SHISA9: variants seen among roughly 807,000 people sequenced by gnomAD.
SHISA9 encodes shisa family member 9.
Under a neutral mutation model 38.0 loss-of-function variants are expected in SHISA9, and 13 were observed. The observed-to-expected ratio is 0.34, with a 90% CI of 0.22 to 0.54. The LOEUF is 0.54. Ranked by LOEUF, SHISA9 falls within the 20% of genes least tolerant of loss-of-function variation. The pLI, the probability that SHISA9 is intolerant of heterozygous loss-of-function variation, is 0.91. For missense variants in SHISA9, 538 were observed against 575.8 expected, an observed-to-expected ratio of 0.93 and a Z score of 0.67; for synonymous variants, 275 against 242.0, an observed-to-expected ratio of 1.14 and a Z score of -1.27.
At chr16:13,526,137 A>G in the SHISA9 span, among the ~76,000 whole-genome samples, 1 of 152,342 alleles carries the variant, frequency 6.6e-6, no homozygotes, top group African/African-American at 2.4e-5. Context: ...AGCAAACTGG[A>G]GCCAGTAGGA....
chr16:13,355,986 C>G, the SHISA9 span, among the ~76,000 whole-genome samples: 1 of 152,182 alleles, frequency 6.6e-6, no homozygotes, highest in African/African-American at 2.4e-5. Flanking sequence ...GAATCCCAGG[C>G]TGCGGGCATT....
chr16:13,419,690 C>T, the SHISA9 span, among the ~76,000 whole-genome samples: 2 of 152,182 alleles, frequency 1.3e-5, no homozygotes, highest in Non-Finnish European at 2.9e-5. Context: ...TACTTTTTGA[C>T]ATTGTGGGTC....
chr16:13,387,830 C>G, the SHISA9 span, among the ~76,000 whole-genome samples: 1 of 152,038 alleles, frequency 6.6e-6, no homozygotes, highest in Non-Finnish European at 1.5e-5. Flanking sequence ...GAAAATGACT[C>G]GCTAACTATG....
At chr16:13,175,405 A>C (rs774740981) in intron 2 of SHISA9, among the ~76,000 whole-genome samples, 15 of 152,096 alleles carry the variant, frequency 9.9e-5, no homozygotes, top group Admixed American at 2.0e-4. Context: ...AAAAATAAAA[A>C]GATTTGATTT....
chr16:13,359,182 C>T, the SHISA9 span, among the ~76,000 whole-genome samples: 1 of 152,036 alleles, frequency 6.6e-6, no homozygotes, highest in Non-Finnish European at 1.5e-5. Flanking sequence ...ATAATTAGTA[C>T]TGAGGAGAAT....
intron 2 of SHISA9, among the ~76,000 whole-genome samples, chr16:12,983,543 C>A (rs1043553436): frequency 6.6e-6 from 1 of 152,172 alleles, no homozygotes; most frequent in African/African-American, 2.4e-5. Flanking sequence ...GGCTGGAGTG[C>A]AGTGGCACAA....
the SHISA9 span, among the ~76,000 whole-genome samples, chr16:13,496,920 A>G: frequency 8.5e-5 from 13 of 152,316 alleles, no homozygotes; most frequent in African/African-American, 2.6e-4. Context: ...AAAATTTAGT[A>G]TTATTAAAAT....
Position 13,021,857 on chromosome 16 carries a change from G to C in SHISA9, c.691+105042G>C, listed in dbSNP as rs183966399. The stretch of plus-strand genomic sequence containing the variant: ...CTCCATGGGCTGAGGGGGCAGCCTG[G>C]GAAGAGAAAGCATAGTAGTGTCCTA... On this transcript the variant is annotated intron_variant, in intron 2 of 4. Coordinates refer to ENST00000558583, the MANE Select transcript of SHISA9 (RefSeq NM_001145204.3). 2.4e-3 allele frequency among the ~76,000 whole-genome samples: 358 copies of C among 152,286 alleles called. 1 individual carries two copies. Among genetic ancestry groups the C allele is most frequent in the African/African-American group, 8.0e-3 (332 of 41,564 alleles).
At chr16:13,094,477 C>T (rs1355837893) in intron 2 of SHISA9, among the ~76,000 whole-genome samples, 1 of 152,082 alleles carries the variant, frequency 6.6e-6, no homozygotes, top group Non-Finnish European at 1.5e-5. Context: ...AAAAATCCCC[C>T]AAACTAATTC....
At chr16:13,478,685 A>G in the SHISA9 span, among the ~76,000 whole-genome samples, 1 of 152,228 alleles carries the variant, frequency 6.6e-6, no homozygotes, top group East Asian at 1.9e-4. Flanking sequence ...CTTTTGAAAA[A>G]CAACAGATCT....
chr16:13,026,419 C>A (rs867861138), intron 2 of SHISA9, among the ~76,000 whole-genome samples: 2 of 152,170 alleles, frequency 1.3e-5, no homozygotes, highest in Non-Finnish European at 2.9e-5. Context: ...TTTTTCAAGG[C>A]TGAATACTAT....
At chr16:13,210,710 C>G (rs76310769) in intron 3 of SHISA9, among the ~76,000 whole-genome samples, 2,237 of 152,270 alleles carry the variant, frequency 0.015, 58 homozygotes, top group African/African-American at 0.052. Flanking sequence ...TCATAAACAG[C>G]ACACCTCTGA....
At chr16:13,036,187 C>A (rs767878350) in intron 2 of SHISA9, among the ~76,000 whole-genome samples, 1 of 152,176 alleles carries the variant, frequency 6.6e-6, no homozygotes, top group African/African-American at 2.4e-5. Context: ...GTCTTGTATA[C>A]TAATGTTCAG....
the SHISA9 span, among the ~76,000 whole-genome samples, chr16:13,287,462 T>C: frequency 6.6e-6 from 1 of 152,316 alleles, no homozygotes; most frequent in African/African-American, 2.4e-5. Context: ...AAGGAGTTAA[T>C]CAGGTAAAGA....
the SHISA9 span, among the ~76,000 whole-genome samples, chr16:13,428,322 A>C: frequency 6.6e-6 from 1 of 152,236 alleles, no homozygotes; most frequent in East Asian, 1.9e-4. Context: ...AAATTCATTC[A>C]AAAACATTGG....
the SHISA9 span, among the ~76,000 whole-genome samples, chr16:13,539,331 T>TTA: frequency 2.2e-3 from 89 of 39,952 alleles, 6 homozygotes; most frequent in African/African-American, 6.5e-3. Flanking sequence ...GACAGGATCT[T>TTA]TATATATATA....
chr16:13,175,828 CA>C (rs1036317897), intron 2 of SHISA9, among the ~76,000 whole-genome samples: 2 of 152,094 alleles, frequency 1.3e-5, no homozygotes, highest in African/African-American at 4.8e-5. Context: ...CACGTGCTTC[CA>C]AGGGTGGGTG....
the SHISA9 span, among the ~76,000 whole-genome samples, chr16:13,288,608 A>T: frequency 6.6e-6 from 1 of 152,156 alleles, no homozygotes; most frequent in Non-Finnish European, 1.5e-5. Flanking sequence ...ATCCTGGTCA[A>T]CATGACAAAA....
In SHISA9 at chr16:13,240,361, G is replaced by A. The variant is rs768013953; in HGVS notation, c.*4952G>A. 1 of 152,166 alleles carries A rather than the reference G, an allele frequency of 6.6e-6. No homozygotes were observed. The highest frequency in any genetic ancestry group is 1.5e-5 in the Non-Finnish European group (1 of 68,030). 9.4% of individuals were successfully genotyped at this position (152,166 alleles called of 1,614,324 possible). ...TAAGAATGTTTATTTGTAAACATAT[G>A]TATTCACTATATTAATATGAATTTC... On this transcript the variant is annotated 3_prime_UTR_variant, in exon 5 of 5. Transcript: ENST00000558583.
Sources: gnomAD v4.1 joint callset for allele counts (sites outside exome capture counted in the v4.1 genomes callset) on GRCh38, gnomAD v4.1.1 for gene constraint, MANE v1.5 for transcripts, NCBI Gene and HGNC (gene_info 2026-07-23, HGNC 2026-07-21) for gene names.